The following RSPH6A variants were observed in gnomAD, a reference collection of about 807,000 sequenced individuals.
The protein encoded by RSPH6A is radial spoke head 6 homolog A, also known as radial spoke head protein 6 homolog A.
Under a neutral mutation model 66.1 loss-of-function variants are expected in RSPH6A, and 49 were observed. The ratio of observed to expected loss-of-function variants is 0.74; its 90% CI spans 0.59 to 0.94. RSPH6A has a LOEUF of 0.94. Among genes scored for constraint, RSPH6A ranks in the 40% least tolerant of loss-of-function variants. RSPH6A has a pLI of 0.00. For missense variants in RSPH6A, 977 were observed against 948.3 expected, an observed-to-expected ratio of 1.03 and a Z score of -0.40; for synonymous variants, 419 against 402.4, an observed-to-expected ratio of 1.04 and a Z score of -0.49.
Position 45,804,169 on chromosome 19 carries a change from A to C in RSPH6A, c.1653+83T>G. The C allele has an allele frequency of 9.2e-7, 1 of 1,084,578 alleles. No homozygotes were observed. Among genetic ancestry groups the C allele is most frequent in the Non-Finnish European group, 1.3e-6 (1 of 749,922 alleles). 67.2% of individuals were successfully genotyped at this position (1,084,578 alleles called of 1,614,324 possible). ...GAATATTAGTTGCCCAGCAGAGAGTAAGAGCTTGATGTCAGTATTGCAGGG... is the reference window on the plus strand; with the variant it reads ...GAATATTAGTTGCCCAGCAGAGAGTCAGAGCTTGATGTCAGTATTGCAGGG... On this transcript the variant is annotated intron_variant, in intron 3 of 5. Transcript: ENST00000221538. This position sits in a 1 kb window ranked among gnomAD's most constrained non-coding sequence, Gnocchi z 5.8.
chr19:45,809,547 G>A (rs1442631309), intron 2 of RSPH6A, among the ~76,000 whole-genome samples: 4 of 152,012 alleles, frequency 2.6e-5, no homozygotes, highest in Non-Finnish European at 5.9e-5. Flanking sequence ...TGAACCACCC[G>A]CCTCAGCCTC....
intron 5 of RSPH6A, among the ~76,000 whole-genome samples, chr19:45,799,244 C>A (rs1173633280): frequency 6.7e-6 from 1 of 150,204 alleles, no homozygotes; most frequent in African/African-American, 2.5e-5. Context: ...CCACCTCCAG[C>A]GGCAAACCCC....
At chr19:45,799,806 G>A (rs1389397017) in intron 5 of RSPH6A, among the ~76,000 whole-genome samples, 2 of 152,260 alleles carry the variant, frequency 1.3e-5, no homozygotes, top group East Asian at 3.9e-4. Flanking sequence ...TAGCACTTTG[G>A]GAGGCCAAGG....
At position 45,800,730 on chromosome 19, in the gene RSPH6A, CCACACACA is replaced by C. The variant is rs3045732; in HGVS notation, c.1799-175_1799-168del. 1.9e-3 allele frequency among the ~76,000 whole-genome samples: 215 copies of C among 113,330 alleles called. 1 individual carries two copies. The highest frequency in any genetic ancestry group is 5.1e-3 in the Middle Eastern group (1 of 196). The allele number at this position is 113,330 out of a possible 152,430, so 74.3% of individuals were successfully genotyped here. A position where few individuals can be genotyped will look rare whatever the true frequency, so the allele number is the denominator to read the frequency against. The stretch of plus-strand genomic sequence containing the variant: ...GCGGTGTTTGAACCCTCGCTGCAGA[CCACACACA>C]CACACACACACACACACACACACAC... On this transcript the variant is annotated intron_variant, in intron 4 of 5. Coordinates refer to ENST00000221538, the MANE Select transcript of RSPH6A (RefSeq NM_030785.4).
intron 3 of RSPH6A, among the ~76,000 whole-genome samples, chr19:45,803,334 C>A (rs1435995046): frequency 6.6e-6 from 1 of 151,550 alleles, no homozygotes; most frequent in Non-Finnish European, 1.5e-5. Flanking sequence ...GAGTTATGAT[C>A]TCATCACTGC....
At chr19:45,797,746 T>TGA (rs1208776620) in intron 5 of RSPH6A, among the ~76,000 whole-genome samples, 1 of 151,930 alleles carries the variant, frequency 6.6e-6, no homozygotes, top group African/African-American at 2.4e-5. Flanking sequence ...TGGGCGCCTG[T>TGA]AGTCCCAGCT....
rs1298472318 is a variant in RSPH6A at position 45,815,236 on chromosome 19, G to A, written c.-60C>T. On this transcript the variant is annotated 5_prime_UTR_variant, in exon 1 of 6. Coordinates refer to ENST00000221538, the MANE Select transcript of RSPH6A (RefSeq NM_030785.4). ...GCTTGCAGACAAGGAGGCCAAGCGA[G>A]AGCCACCTGTCGACACCGCCGGTTT... The A allele has an allele frequency of 1.4e-5, 20 of 1,460,786 alleles. No individual in the cohort carries two copies. Among genetic ancestry groups the A allele is most frequent in the South Asian group, 2.7e-5 (2 of 74,064 alleles). 90.5% of individuals were successfully genotyped at this position (1,460,786 alleles called of 1,614,324 possible). A position where few individuals can be genotyped will look rare whatever the true frequency, so the allele number is the denominator to read the frequency against.
At position 45,810,763 on chromosome 19, in the gene RSPH6A, A is replaced by C. The variant is rs768333124; in HGVS notation, c.728T>G (p.Leu243Arg). The change falls in exon 2 of 6, where the codon CTG becomes CGG. Residue 243 changes from leucine to arginine, a missense_variant. Coordinates refer to ENST00000221538, the MANE Select transcript of RSPH6A (RefSeq NM_030785.4). ...CCACTCCCACTGCGTGGTGCGGTTC[A>C]GAGACTCCAGGACAGACAAGGGGTC... ...PEDPLSVLES[L>R]NRTTQWEWFH... 6.2e-7 allele frequency: 1 copy of C among 1,614,110 alleles called. No homozygotes were observed. Among genetic ancestry groups the C allele is most frequent in the Non-Finnish European group, 8.5e-7 (1 of 1,179,996 alleles).
At chr19:45,809,347 C>A (rs781342867) in intron 2 of RSPH6A, among the ~76,000 whole-genome samples, 20 of 138,824 alleles carry the variant, frequency 1.4e-4, no homozygotes, top group Non-Finnish European at 1.8e-4. Context: ...CTCTGTCGCC[C>A]AGGCTGGAGT....
chr19:45,811,786 T>C (rs1372049326), intron 1 of RSPH6A, among the ~76,000 whole-genome samples: 1 of 127,560 alleles, frequency 7.8e-6, no homozygotes, highest in African/African-American at 3.0e-5. Flanking sequence ...TTATTATTAT[T>C]ATTAGAGACA....
At position 45,804,804 on chromosome 19, in the gene RSPH6A, C is replaced by T. The variant is rs1345142253; in HGVS notation, c.1101G>A (p.Glu367=). The change falls in exon 3 of 6, where the codon GAG becomes GAA. Residue 367 remains glutamate, a synonymous_variant. Transcript: ENST00000221538. The surrounding 1 kb of genome is among the most constrained non-coding windows in gnomAD (Gnocchi z 5.8). The part of the protein sequence containing the change: ...VAEVEFREGE[E]EAEEEEVEEM... ...CCTCCACCTCCTCCTCCTCTGCCTCCTCCTCGCCCTCCCGGAATTCCACCT... is the reference window on the plus strand; with the variant it reads ...CCTCCACCTCCTCCTCCTCTGCCTCTTCCTCGCCCTCCCGGAATTCCACCT... 2 of 1,614,102 alleles carry T rather than the reference C, an allele frequency of 1.2e-6. No individual in the cohort carries two copies. The highest frequency in any genetic ancestry group is 1.7e-6 in the Non-Finnish European group (2 of 1,179,998).
chr19:45,804,579 G>C lies in RSPH6A; in HGVS notation c.1326C>G (p.Pro442=), dbSNP rs1008699429. The change falls in exon 3 of 6, where the codon CCC becomes CCG. Residue 442 remains proline, a synonymous_variant. Transcript: ENST00000221538. This position sits in a 1 kb window ranked among gnomAD's most constrained non-coding sequence, Gnocchi z 5.8. ...NEPGLPWTRL[P]HVTPAQIVNA... ...TCACGATCTGGGCTGGAGTGACGTG[G>C]GGCAGCCGCGTCCATGGCAGGCCCG... The C allele has an allele frequency of 1.3e-5, 21 of 1,614,176 alleles. No individual in the cohort carries two copies. The highest frequency in any genetic ancestry group is 1.8e-5 in the Non-Finnish European group (21 of 1,180,034).
Position 45,810,610 on chromosome 19 carries a change from TCCTC to T in RSPH6A, c.877_880del (p.Glu293ArgfsTer25). ...CCTGACTGGCTCACTCACCACCTCC[TCCTC>T]CATCTCCTGTTCGCCTTCAGTGCCG... On this transcript the variant is annotated frameshift_variant, in exon 2 of 6. Coordinates refer to ENST00000221538, the MANE Select transcript of RSPH6A (RefSeq NM_030785.4). LOFTEE classifies it high-confidence loss of function. The T allele has an allele frequency of 6.2e-7, 1 of 1,613,826 alleles. No homozygotes were observed. Among genetic ancestry groups the T allele is most frequent in the Non-Finnish European group, 8.5e-7 (1 of 1,179,882 alleles).
chr19:45,801,077 C>T (rs1352645021), intron 4 of RSPH6A, among the ~76,000 whole-genome samples: 2 of 152,170 alleles, frequency 1.3e-5, no homozygotes, highest in South Asian at 4.1e-4. Context: ...GGATTACAGG[C>T]GTGAGCCACC....
chr19:45,814,115 C>T (rs960798001), intron 1 of RSPH6A, among the ~76,000 whole-genome samples: 2 of 152,054 alleles, frequency 1.3e-5, no homozygotes, highest in Non-Finnish European at 2.9e-5. Flanking sequence ...GCCAAGACCA[C>T]GCCACTGTGC....
At chr19:45,803,086 G>GT (rs1475972273) in intron 3 of RSPH6A, among the ~76,000 whole-genome samples, 1 of 151,508 alleles carries the variant, frequency 6.6e-6, no homozygotes, top group East Asian at 2.0e-4. Context: ...GCGGGCGCCT[G>GT]TAGTCCCAGC....
At chr19:45,798,709 AGC>A (rs1970434790) in intron 5 of RSPH6A, among the ~76,000 whole-genome samples, 1 of 150,446 alleles carries the variant, frequency 6.6e-6, no homozygotes, top group Non-Finnish European at 1.5e-5. Flanking sequence ...CATGGTGGCG[AGC>A]ACCTGTAGTC....
At chr19:45,814,378 T>G in intron 1 of RSPH6A, 149 bp downstream of exon 1, 1 of 608,270 alleles carries the variant, frequency 1.6e-6, no homozygotes, top group Non-Finnish European at 2.6e-6. Context: ...ATGCTAGCTG[T>G]TGTTGGCATT....
In RSPH6A at chr19:45,796,114, A is replaced by G; in HGVS notation, c.1917-8T>C. 4 of 1,543,706 alleles carry G rather than the reference A, an allele frequency of 2.6e-6. No homozygotes were observed. The highest frequency in any genetic ancestry group is 3.5e-6 in the Non-Finnish European group (4 of 1,140,464). ...TAGATGTTCTCAAACTTTCTGGAGA[A>G]GCAGTGAGACACTGTGAAATTCTCC... On this transcript the variant is annotated splice_region_variant and splice_polypyrimidine_tract_variant and intron_variant, in intron 5 of 5. Coordinates refer to ENST00000221538, the MANE Select transcript of RSPH6A (RefSeq NM_030785.4).
Sources: allele counts gnomAD v4.1 joint callset (sites outside exome capture counted in the v4.1 genomes callset), GRCh38; gene constraint gnomAD v4.1.1; non-coding constraint Gnocchi (gnomAD v3.1); transcripts MANE v1.5; gene names NCBI Gene and HGNC (gene_info 2026-07-23, HGNC 2026-07-21).